CACNA2D3: variants seen among roughly 807,000 people sequenced by gnomAD.
CACNA2D3 encodes voltage-dependent calcium channel subunit alpha-2/delta-3.
A neutral mutation model predicts 160.6 loss-of-function variants in CACNA2D3; 60 were observed. The observed-to-expected ratio is 0.37, with a 90% CI of 0.30 to 0.46. CACNA2D3 has a LOEUF of 0.46. CACNA2D3 is among the 20% of genes least tolerant of loss of function. The pLI is 1.00. For missense variants in CACNA2D3, 1,205 were observed against 1,365.0 expected (o/e 0.88, Z 1.85); for synonymous variants, 558 against 492.9 (o/e 1.13, Z -1.75).
At position 54,512,029 on chromosome 3, in the gene CACNA2D3, CAGTT is replaced by C. The variant is rs532501445; in HGVS notation, c.544+8381_544+8384del. Reference sequence around the variant, plus strand: ...AAGAGCTACTGTCCCTGGGCTGACTCAGTTAGTTATATATGCCACAGGTCCCCCT... The same window carrying C: ...AAGAGCTACTGTCCCTGGGCTGACTCAGTTATATATGCCACAGGTCCCCCT... On this transcript the variant is annotated intron_variant, in intron 5 of 37. Coordinates refer to ENST00000474759, the MANE Select transcript of CACNA2D3 (RefSeq NM_018398.3). Among the ~76,000 whole-genome samples, 106 of 151,970 alleles carry C rather than the reference CAGTT, an allele frequency of 7.0e-4. 1 individual carries two copies. In the South Asian group the frequency reaches 7.5e-3, roughly 11 times the overall value.
intron 27 of CACNA2D3, among the ~76,000 whole-genome samples, chr3:54,941,826 G>A (rs1379512489): frequency 6.6e-6 from 1 of 152,162 alleles, no homozygotes; most frequent in African/African-American, 2.4e-5. Context: ...AGGCTTCAGG[G>A]ACATGCATTG....
intron 11 of CACNA2D3, among the ~76,000 whole-genome samples, chr3:54,664,939 A>G (rs1700036840): frequency 6.6e-6 from 1 of 152,262 alleles, no homozygotes; most frequent in South Asian, 2.1e-4. Context: ...TATGTAGAGA[A>G]GGAAAAATGA....
intron 10 of CACNA2D3, chr3:54,638,328 A>G (rs1699424698): frequency 6.6e-6 from 1 of 152,002 alleles, no homozygotes; most frequent in African/African-American, 2.4e-5. Context: ...GATTTGGGAT[A>G]AAGAAAAAGG....
intron 11 of CACNA2D3, among the ~76,000 whole-genome samples, chr3:54,725,183 G>A (rs1023163072): frequency 5.3e-5 from 8 of 152,146 alleles, no homozygotes; most frequent in Non-Finnish European, 1.0e-4. Context: ...TAAATTTCTT[G>A]ACACATATAC....
intron 3 of CACNA2D3, among the ~76,000 whole-genome samples, chr3:54,344,257 T>A (rs1698416528): frequency 6.6e-6 from 1 of 151,994 alleles, no homozygotes. Context: ...CAGCAGGGAG[T>A]GCTTCATCAC....
chr3:54,148,980 A>T (rs1700091725), intron 2 of CACNA2D3, among the ~76,000 whole-genome samples: 5 of 146,906 alleles, frequency 3.4e-5, no homozygotes, highest in Admixed American at 2.7e-4. Flanking sequence ...CCATCAAAAA[A>T]AAAAAAAAAA....
intron 13 of CACNA2D3, among the ~76,000 whole-genome samples, chr3:54,802,492 TGAGCAAA>T (rs1176956867): frequency 6.3e-4 from 96 of 152,228 alleles, no homozygotes; most frequent in Non-Finnish European, 1.1e-3. Context: ...TTTTTGAAGC[TGAGCAAA>T]GAGTTACAGA....
At chr3:54,180,483 A>C (rs993552329) in intron 2 of CACNA2D3, among the ~76,000 whole-genome samples, 2 of 152,220 alleles carry the variant, frequency 1.3e-5, no homozygotes, top group African/African-American at 4.8e-5. Flanking sequence ...CCCAGCTCCC[A>C]TAGCCAATGT....
chr3:54,341,597 T>C (rs984329927), intron 3 of CACNA2D3, among the ~76,000 whole-genome samples: 5 of 152,178 alleles, frequency 3.3e-5, no homozygotes, highest in Non-Finnish European at 7.4e-5. Context: ...TTTGGCATTA[T>C]TACTGCTACT....
intron 11 of CACNA2D3, among the ~76,000 whole-genome samples, chr3:54,653,561 G>T (rs1301334939): frequency 6.6e-6 from 1 of 152,184 alleles, no homozygotes; most frequent in East Asian, 1.9e-4. Flanking sequence ...AGCTCACGCA[G>T]GCCCTCCCTG....
intron 27 of CACNA2D3, among the ~76,000 whole-genome samples, chr3:54,905,321 G>T (rs1694093176): frequency 6.6e-6 from 1 of 152,178 alleles, no homozygotes; most frequent in South Asian, 2.1e-4. Context: ...ATTAACATCA[G>T]TGATCATTAA....
intron 2 of CACNA2D3, among the ~76,000 whole-genome samples, chr3:54,290,354 T>A (rs957429669): frequency 6.6e-4 from 100 of 152,172 alleles, no homozygotes; most frequent in African/African-American, 2.2e-3. Flanking sequence ...CAAAACCACA[T>A]TGAGATACCA....
chr3:54,606,534 G>A (rs1698629743), intron 9 of CACNA2D3, among the ~76,000 whole-genome samples: 1 of 152,138 alleles, frequency 6.6e-6, no homozygotes, highest in Non-Finnish European at 1.5e-5. Flanking sequence ...TGGGTTCCAG[G>A]AAGAAGAGAC....
intron 35 of CACNA2D3, among the ~76,000 whole-genome samples, chr3:55,072,081 A>G (rs913132672): frequency 6.6e-6 from 1 of 152,252 alleles, no homozygotes; most frequent in Non-Finnish European, 1.5e-5. Context: ...GAAGATACAG[A>G]CAGATATAGA....
At chr3:54,721,786 A>G (rs1039286651) in intron 11 of CACNA2D3, among the ~76,000 whole-genome samples, 1 of 151,368 alleles carries the variant, frequency 6.6e-6, no homozygotes, top group Non-Finnish European at 1.5e-5. Flanking sequence ...AAAAGAAAAG[A>G]AAAAGATGGG....
intron 11 of CACNA2D3, among the ~76,000 whole-genome samples, chr3:54,717,799 C>T (rs1328867465): frequency 3.0e-5 from 2 of 66,198 alleles, no homozygotes; most frequent in East Asian, 3.6e-4. Flanking sequence ...GTGTGGTGTG[C>T]GTGTGTGCGC....
intron 3 of CACNA2D3, among the ~76,000 whole-genome samples, chr3:54,364,484 A>G (rs1698795926): frequency 6.6e-6 from 1 of 152,212 alleles, no homozygotes; most frequent in Non-Finnish European, 1.5e-5. Context: ...ATGGACGGCA[A>G]TTTTATATTG....
At chr3:54,431,807 T>C (rs1047410660) in intron 4 of CACNA2D3, among the ~76,000 whole-genome samples, 1 of 152,040 alleles carries the variant, frequency 6.6e-6, no homozygotes, top group Admixed American at 6.6e-5. Flanking sequence ...GGGTTTCAGC[T>C]GTGTTGGCCA....
intron 35 of CACNA2D3, among the ~76,000 whole-genome samples, chr3:55,021,569 T>C (rs1359282588): frequency 2.0e-5 from 3 of 149,352 alleles, no homozygotes; most frequent in African/African-American, 7.3e-5. Context: ...TAGGTATACA[T>C]TTCTCTCTGC....
Sources: allele counts gnomAD v4.1 joint callset (sites outside exome capture counted in the v4.1 genomes callset), GRCh38; gene constraint gnomAD v4.1.1; transcripts MANE v1.5; gene names NCBI Gene and HGNC (gene_info 2026-07-23, HGNC 2026-07-21).